CDYL: variants seen among roughly 807,000 people sequenced by gnomAD.
CDYL encodes chromodomain Y like.
In CDYL, 8 loss-of-function variants were observed where a neutral mutation model predicts 47.3. The observed-to-expected ratio is 0.17, with a 90% CI of 0.10 to 0.31. CDYL has a LOEUF of 0.31. Among genes scored for constraint, CDYL ranks in the 10% least tolerant of loss-of-function variants. The pLI is 1.00. For missense variants in CDYL, 471 were observed against 701.4 expected (o/e 0.67, Z 3.71); for synonymous variants, 266 against 265.0 (o/e 1.00, Z -0.04).
chr6:4,908,995 C>T (rs768180050), intron 2 of CDYL, among the ~76,000 whole-genome samples: 7 of 152,214 alleles, frequency 4.6e-5, no homozygotes, highest in Non-Finnish European at 7.3e-5. Flanking sequence ...TTTCCATGTT[C>T]GTGTACAGGA....
chr6:4,826,121 A>T (rs998610867), intron 1 of CDYL, among the ~76,000 whole-genome samples: 1 of 152,240 alleles, frequency 6.6e-6, no homozygotes, highest in African/African-American at 2.4e-5. Context: ...GACTAGGATC[A>T]GTTGTTTGTA....
chr6:4,720,047 A>C (rs894777375), intron 2 of CDYL, among the ~76,000 whole-genome samples: 6 of 152,378 alleles, frequency 3.9e-5, no homozygotes, highest in Middle Eastern at 3.4e-3. Context: ...TTACTGCATT[A>C]TTAATCGCAA....
At chr6:4,837,784 G>A (rs867637670) in intron 1 of CDYL, among the ~76,000 whole-genome samples, 11 of 132,424 alleles carry the variant, frequency 8.3e-5, no homozygotes, top group African/African-American at 1.7e-4. Context: ...TTCTTTTCCC[G>A]TTGGTTTAAG....
At chr6:4,824,804 T>A (rs1029913143) in intron 1 of CDYL, among the ~76,000 whole-genome samples, 3 of 152,214 alleles carry the variant, frequency 2.0e-5, no homozygotes, top group African/African-American at 7.2e-5. Flanking sequence ...GTTTTGACTT[T>A]CTGGGACCTT....
chr6:4,834,603 G>C (rs1241003089), intron 1 of CDYL, among the ~76,000 whole-genome samples: 1 of 151,010 alleles, frequency 6.6e-6, no homozygotes, highest in Non-Finnish European at 1.5e-5. Context: ...TGTATTTCCT[G>C]AATCTGAATG....
chr6:4,876,539 G>A (rs1390473815), intron 1 of CDYL, among the ~76,000 whole-genome samples: 1 of 151,970 alleles, frequency 6.6e-6, no homozygotes. Context: ...GTAACTTATT[G>A]TGCTTCTAAT....
At chr6:4,898,679 C>T (rs928759521) in intron 2 of CDYL, among the ~76,000 whole-genome samples, 5 of 152,250 alleles carry the variant, frequency 3.3e-5, no homozygotes, top group African/African-American at 1.2e-4. Context: ...GGTCCGCAAA[C>T]CTGCGTGTGC....
chr6:4,824,556 T>C (rs1759926411), intron 1 of CDYL, among the ~76,000 whole-genome samples: 1 of 152,222 alleles, frequency 6.6e-6, no homozygotes, highest in Non-Finnish European at 1.5e-5. Context: ...TGCCCATTTT[T>C]CATTGGGTTA....
intron 3 of CDYL, among the ~76,000 whole-genome samples, chr6:4,761,484 C>T (rs568370773): frequency 9.8e-5 from 15 of 152,296 alleles, no homozygotes; most frequent in African/African-American, 3.4e-4. Flanking sequence ...GCTGAGATTA[C>T]AGGCGTCCGC....
intron 2 of CDYL, among the ~76,000 whole-genome samples, chr6:4,719,370 A>G (rs145440846): frequency 6.6e-6 from 1 of 152,180 alleles, no homozygotes; most frequent in Non-Finnish European, 1.5e-5. Context: ...ATTAATACAC[A>G]TTGTCCTTAA....
chr6:4,903,297 T>A (rs1757126109), intron 2 of CDYL, among the ~76,000 whole-genome samples: 1 of 152,138 alleles, frequency 6.6e-6, no homozygotes, highest in Non-Finnish European at 1.5e-5. Context: ...TATATTCCTC[T>A]TCACAGCTGC....
intron 4 of CDYL, among the ~76,000 whole-genome samples, chr6:4,942,390 T>C (rs1272641094): frequency 6.6e-6 from 1 of 152,174 alleles, no homozygotes; most frequent in African/African-American, 2.4e-5. Flanking sequence ...TCTCAGATGC[T>C]GAGTCATGAT....
chr6:4,821,833 A>T (rs184025911), intron 1 of CDYL, among the ~76,000 whole-genome samples: 1 of 152,122 alleles, frequency 6.6e-6, no homozygotes, highest in Admixed American at 6.5e-5. Flanking sequence ...ACATAGATTA[A>T]AATATGCACC....
chr6:4,902,876 A>G lies in CDYL; in HGVS notation c.691+10497A>G, dbSNP rs140213087. Among the ~76,000 whole-genome samples, 431 of 152,344 alleles carry G rather than the reference A, an allele frequency of 2.8e-3. 1 individual carries two copies. Among genetic ancestry groups the G allele is most frequent in the African/African-American group, 9.8e-3 (408 of 41,584 alleles). ...AAAAAATAAAATCGGATGTTTTTAA[A>G]ATATCCAGGGAAAGATCCAGAGTAG... On this transcript the variant is annotated intron_variant, in intron 2 of 6. Transcript: ENST00000397588.
At chr6:4,716,932 G>T (rs1757276338) in intron 2 of CDYL, among the ~76,000 whole-genome samples, 1 of 152,104 alleles carries the variant, frequency 6.6e-6, no homozygotes, top group Admixed American at 6.5e-5. Context: ...ACCCCAGAGA[G>T]GGACACAGCT....
chr6:4,771,119 T>G (rs1169490430), intron 3 of CDYL, among the ~76,000 whole-genome samples: 1 of 152,100 alleles, frequency 6.6e-6, no homozygotes, highest in Non-Finnish European at 1.5e-5. Flanking sequence ...TTGCACTTTT[T>G]TTTTTGGCGG....
At chr6:4,883,013 G>A (rs1190069567) in intron 1 of CDYL, among the ~76,000 whole-genome samples, 1 of 152,140 alleles carries the variant, frequency 6.6e-6, no homozygotes, top group African/African-American at 2.4e-5. Flanking sequence ...TGTGGGGCCC[G>A]CATTGGTCAA....
At chr6:4,776,867 C>T (rs1158249775) in intron 1 of CDYL, 60 bp downstream of exon 1, 2 of 786,584 alleles carry the variant, frequency 2.5e-6, no homozygotes, top group African/African-American at 3.8e-5. Context: ...CCGGCCCGGC[C>T]GCGCCGCCCG....
intron 2 of CDYL, among the ~76,000 whole-genome samples, chr6:4,728,153 C>T (rs1481497853): frequency 6.6e-6 from 1 of 152,238 alleles, no homozygotes; most frequent in Non-Finnish European, 1.5e-5. Flanking sequence ...TCACTCCGCT[C>T]CCATGAAATG....
Sources: allele counts gnomAD v4.1 joint callset (sites outside exome capture counted in the v4.1 genomes callset), GRCh38; gene constraint gnomAD v4.1.1; transcripts MANE v1.5; gene names NCBI Gene and HGNC (gene_info 2026-07-23, HGNC 2026-07-21).